Variants in PCDH15 observed in about 807,000 individuals in gnomAD.
The protein encoded by PCDH15 is protocadherin-15.
PCDH15 carries 129 observed loss-of-function variants against 178.5 expected under a neutral mutation model. The ratio of observed to expected loss-of-function variants is 0.72; its 90% confidence interval spans 0.63 to 0.84. The LOEUF (loss-of-function observed/expected upper bound fraction) is 0.84, where lower values mean the gene tolerates loss of function less well. PCDH15 is among the 40% of genes least tolerant of loss of function. The pLI, the probability that PCDH15 is intolerant of heterozygous loss-of-function variation, is 0.00. For synonymous variants in PCDH15, 800 were observed against 732.0 expected, an observed-to-expected ratio of 1.09 and a Z score of -1.50; for missense variants, 2,230 against 2,099.9, an observed-to-expected ratio of 1.06 and a Z score of -1.21.
At chr10:54,764,282 G>C (rs1948245564) in intron 1 of PCDH15, among the ~76,000 whole-genome samples, 2 of 151,910 alleles carry the variant, frequency 1.3e-5, no homozygotes, top group Admixed American at 1.3e-4. Context: ...AATAGTAAGA[G>C]AATACATGAG....
chr10:54,883,824 T>C (rs947579885), intron 3 of PCDH15, among the ~76,000 whole-genome samples: 2 of 152,182 alleles, frequency 1.3e-5, no homozygotes, highest in African/African-American at 4.8e-5. Flanking sequence ...ATTGCCAGTT[T>C]TTCATATTCA....
intron 1 of PCDH15, among the ~76,000 whole-genome samples, chr10:54,766,544 GAA>G (rs58039735): frequency 2.1e-5 from 3 of 143,038 alleles, no homozygotes; most frequent in Non-Finnish European, 3.1e-5. Context: ...ATTGATACAA[GAA>G]AAAAAAAAAG....
At chr10:55,234,768 T>A (rs1841328600) in intron 1 of PCDH15, among the ~76,000 whole-genome samples, 1 of 152,090 alleles carries the variant, frequency 6.6e-6, no homozygotes, top group Admixed American at 6.6e-5. Context: ...AGAATCACAC[T>A]TTTTTATTAC....
Position 54,752,499 on chromosome 10 carries a change from CAAAAAA to C in PCDH15, c.-29+48420_-29+48425del, listed in dbSNP as rs1566127799. Among the ~76,000 whole-genome samples, 28 of 66,644 alleles carry C rather than the reference CAAAAAA, an allele frequency of 4.2e-4. 7 individuals are homozygous for C. Among genetic ancestry groups the C allele is most frequent in the Middle Eastern group, 0.01 (1 of 98 alleles). The allele number at this position is 66,644 out of a possible 152,430, so 43.7% of individuals were successfully genotyped here. On this transcript the variant is annotated intron_variant, in intron 1 of 37. Coordinates refer to ENST00000644397, the MANE Select transcript of PCDH15 (RefSeq NM_001384140.1). Reference sequence around the variant, plus strand: ...CTCAAAAAAAAAAAAAAACAAAAAACAAAAAACAAAAAACAAACAAACAAACAAACA... The same window carrying C: ...CTCAAAAAAAAAAAAAAACAAAAAACCAAAAAACAAACAAACAAACAAACA...
intron 1 of PCDH15, among the ~76,000 whole-genome samples, chr10:54,755,030 C>A (rs1320852392): frequency 6.9e-6 from 1 of 144,922 alleles, no homozygotes; most frequent in Non-Finnish European, 1.5e-5. Context: ...CTCACTGCAA[C>A]CTCTGTCTCT....
intron 1 of PCDH15, among the ~76,000 whole-genome samples, chr10:55,302,303 A>G (rs1843307113): frequency 6.6e-6 from 1 of 152,152 alleles, no homozygotes; most frequent in African/African-American, 2.4e-5. Flanking sequence ...AAAACACTGC[A>G]TATGTTTTAC....
chr10:55,445,720 A>C (rs1436869895), intron 2 of PCDH15, among the ~76,000 whole-genome samples: 1 of 152,160 alleles, frequency 6.6e-6, no homozygotes, highest in Non-Finnish European at 1.5e-5. Context: ...CACCAAAAAA[A>C]ATCCAAGAGC....
intron 2 of PCDH15, among the ~76,000 whole-genome samples, chr10:54,574,691 C>A (rs963190925): frequency 1.5e-4 from 23 of 150,082 alleles, no homozygotes; most frequent in Non-Finnish European, 2.7e-4. Flanking sequence ...AACACTTTTA[C>A]ACTGTTGGTG....
At chr10:54,373,774 A>G (rs1948024833) in intron 4 of PCDH15, among the ~76,000 whole-genome samples, 1 of 152,036 alleles carries the variant, frequency 6.6e-6, no homozygotes, top group Non-Finnish European at 1.5e-5. Flanking sequence ...AGAACAAGGA[A>G]TTGCATACCA....
intron 1 of PCDH15, among the ~76,000 whole-genome samples, chr10:55,213,569 AT>A (rs1840625607): frequency 6.6e-6 from 1 of 151,626 alleles, no homozygotes; most frequent in African/African-American, 2.4e-5. Flanking sequence ...TAGTGTTTAC[AT>A]TTTTTGGCAT....
intron 1 of PCDH15, among the ~76,000 whole-genome samples, chr10:55,181,300 C>T (rs1282333491): frequency 6.6e-6 from 1 of 151,896 alleles, no homozygotes; most frequent in Non-Finnish European, 1.5e-5. Flanking sequence ...ATTGGGTTAA[C>T]CATACTCTTT....
chr10:54,708,597 C>T (rs943728670), intron 1 of PCDH15, among the ~76,000 whole-genome samples: 1 of 152,108 alleles, frequency 6.6e-6, no homozygotes, highest in Admixed American at 6.6e-5. Context: ...TACTGTTTCT[C>T]TTTGTTTTCT....
chr10:54,841,373 C>T (rs1254837899), intron 3 of PCDH15, among the ~76,000 whole-genome samples: 1 of 151,580 alleles, frequency 6.6e-6, no homozygotes, highest in African/African-American at 2.4e-5. Flanking sequence ...ATTTTAAAAA[C>T]ACAACATGTC....
intron 3 of PCDH15, among the ~76,000 whole-genome samples, chr10:54,462,508 TTTTC>T (rs373009665): frequency 2.3e-5 from 2 of 85,112 alleles, no homozygotes; most frequent in South Asian, 3.2e-4. Flanking sequence ...TTTCTTTTTC[TTTTC>T]TTTTTTTTTT....
At chr10:54,354,322 G>A (rs1944629317) in intron 5 of PCDH15, among the ~76,000 whole-genome samples, 1 of 152,156 alleles carries the variant, frequency 6.6e-6, no homozygotes, top group Admixed American at 6.6e-5. Flanking sequence ...TTGAATACTT[G>A]AATGTTGTAA....
chr10:54,137,605 G>C (rs912164889), intron 14 of PCDH15, among the ~76,000 whole-genome samples: 1 of 151,988 alleles, frequency 6.6e-6, no homozygotes, highest in Non-Finnish European at 1.5e-5. Context: ...TGCCAGACCC[G>C]TCATTCATTA....
At chr10:54,409,056 A>T (rs768616574) in intron 3 of PCDH15, among the ~76,000 whole-genome samples, 2 of 152,178 alleles carry the variant, frequency 1.3e-5, no homozygotes, top group Non-Finnish European at 2.9e-5. Context: ...AATAAGTCTC[A>T]TGAGCTCTGA....
chr10:54,986,355 T>A (rs1472944402), intron 2 of PCDH15, among the ~76,000 whole-genome samples: 3 of 147,818 alleles, frequency 2.0e-5, no homozygotes, highest in South Asian at 2.1e-4. Context: ...AAAAAAAAAA[T>A]ATGACATATA....
At chr10:55,390,058 C>T (rs1319471942) in intron 2 of PCDH15, among the ~76,000 whole-genome samples, 1 of 152,012 alleles carries the variant, frequency 6.6e-6, no homozygotes, top group Non-Finnish European at 1.5e-5. Flanking sequence ...AGAGATATTG[C>T]GGGTTTAGTT....
Sources: gnomAD v4.1 joint callset for allele counts (sites outside exome capture counted in the v4.1 genomes callset) on GRCh38, gnomAD v4.1.1 for gene constraint, MANE v1.5 for transcripts, NCBI Gene and HGNC (gene_info 2026-07-23, HGNC 2026-07-21) for gene names.